CFAP61: variants seen among roughly 807,000 people sequenced by gnomAD.
CFAP61 encodes the protein cilia- and flagella-associated protein 61.
CFAP61 carries 107 observed loss-of-function variants against 135.6 expected under a neutral mutation model. The observed-to-expected ratio is 0.79, with a 90% CI of 0.67 to 0.93. The LOEUF is 0.93. Among genes scored for constraint, CFAP61 ranks in the 40% least tolerant of loss-of-function variants. CFAP61 has a pLI of 0.00. For synonymous variants in CFAP61, 575 were observed against 578.5 expected (o/e 0.99, Z 0.09); for missense variants, 1,507 against 1,556.2 (o/e 0.97, Z 0.53).
At position 20,075,186 on chromosome 20, in the gene CFAP61, C is replaced by T; in HGVS notation, c.372-3C>T. Reference sequence around the variant, plus strand: ...ACTGCCCCACCCTCTCTTTCCTCACCAGAACCGTGTATAAGGCAGTGCCAG... The same window carrying T: ...ACTGCCCCACCCTCTCTTTCCTCACTAGAACCGTGTATAAGGCAGTGCCAG... On this transcript the variant is annotated splice_region_variant and splice_polypyrimidine_tract_variant and intron_variant, in intron 4 of 26. Transcript: ENST00000245957. The T allele has an allele frequency of 6.2e-7, 1 of 1,614,018 alleles. No individual in the cohort carries two copies. Among genetic ancestry groups the T allele is most frequent in the Non-Finnish European group, 8.5e-7 (1 of 1,179,912 alleles).
chr20:20,354,867 AG>A, intron 26 of CFAP61, among the ~76,000 whole-genome samples: 1 of 115,954 alleles, frequency 8.6e-6, no homozygotes, highest in East Asian at 3.0e-4. Flanking sequence ...GGTCACACTG[AG>A]AGGGGAGGTG....
chr20:20,203,543 T>A (rs1675265736), intron 17 of CFAP61, among the ~76,000 whole-genome samples: 1 of 152,236 alleles, frequency 6.6e-6, no homozygotes, highest in Non-Finnish European at 1.5e-5. Context: ...GATATTTTGA[T>A]ACAGGCATGC....
intron 17 of CFAP61, 62 bp downstream of exon 17, chr20:20,199,964 G>A: frequency 1.3e-6 from 2 of 1,577,222 alleles, no homozygotes; most frequent in South Asian, 1.1e-5. Flanking sequence ...TGGCAGATGG[G>A]GTGGCAGTGC....
intron 22 of CFAP61, among the ~76,000 whole-genome samples, chr20:20,284,010 G>C (rs2054388625): frequency 6.6e-6 from 1 of 152,144 alleles, no homozygotes; most frequent in African/African-American, 2.4e-5. Context: ...GGAAGAGGTG[G>C]AATCTTGGGA....
intron 21 of CFAP61, among the ~76,000 whole-genome samples, chr20:20,272,323 C>A (rs1347572823): frequency 6.6e-6 from 1 of 152,104 alleles, no homozygotes; most frequent in Non-Finnish European, 1.5e-5. Context: ...GCCTGTAGTT[C>A]CAGCTACTCA....
intron 18 of CFAP61, among the ~76,000 whole-genome samples, chr20:20,235,333 G>A (rs947250400): frequency 7.9e-5 from 12 of 151,948 alleles, no homozygotes; most frequent in Admixed American, 2.6e-4. Context: ...TCAAAGTGCC[G>A]TCCCTGGCCC....
chr20:20,057,677 CCA>C (rs2044474172), intron 2 of CFAP61, among the ~76,000 whole-genome samples: 1 of 152,012 alleles, frequency 6.6e-6, no homozygotes. Flanking sequence ...TCTGTGGGTG[CCA>C]AAATATAAAT....
intron 24 of CFAP61, among the ~76,000 whole-genome samples, chr20:20,296,485 C>A (rs957329801): frequency 1.5e-4 from 22 of 146,252 alleles, no homozygotes; most frequent in African/African-American, 5.6e-4. Context: ...TTTTTCCTCC[C>A]TCCCTCCTTC....
At chr20:20,145,720 T>A (rs866739573) in intron 9 of CFAP61, among the ~76,000 whole-genome samples, 5 of 152,204 alleles carry the variant, frequency 3.3e-5, no homozygotes, top group Admixed American at 6.5e-5. Context: ...AAAAGTTAGC[T>A]GGAATGGCTT....
chr20:20,097,893 C>T (rs560421323), intron 7 of CFAP61, among the ~76,000 whole-genome samples: 2 of 152,252 alleles, frequency 1.3e-5, no homozygotes, highest in East Asian at 1.9e-4. Flanking sequence ...AGCTAGGGAC[C>T]GTGAACTTTC....
intron 21 of CFAP61, chr20:20,265,499 G>T: frequency 1.3e-6 from 1 of 779,632 alleles, no homozygotes; most frequent in Non-Finnish European, 2.4e-6. Flanking sequence ...AAAGGGAAAT[G>T]TTTTTTCAAG....
At position 20,060,294 on chromosome 20, in the gene CFAP61, A is replaced by G. The variant is rs576941812; in HGVS notation, c.143+3498A>G. Among the ~76,000 whole-genome samples the G allele has an allele frequency of 4.6e-5, 7 of 152,326 alleles. No homozygotes were observed. In the South Asian group the frequency reaches 1.4e-3, roughly 32 times the overall value. On this transcript the variant is annotated intron_variant, in intron 2 of 26. Coordinates refer to ENST00000245957, the MANE Select transcript of CFAP61 (RefSeq NM_015585.4). ...TTTCTGACAAACAAAAACCTAAGTC[A>G]TTTGCCAATAAACTCTGAATGGAGG...
chr20:20,084,774 A>G (rs2046678562), intron 6 of CFAP61, among the ~76,000 whole-genome samples: 1 of 152,186 alleles, frequency 6.6e-6, no homozygotes, highest in South Asian at 2.1e-4. Context: ...AGTGAGAGCT[A>G]CCGGCTCATT....
intron 25 of CFAP61, among the ~76,000 whole-genome samples, chr20:20,306,441 CA>C (rs774891207): frequency 6.6e-6 from 1 of 152,172 alleles, no homozygotes; most frequent in Non-Finnish European, 1.5e-5. Flanking sequence ...ATTCTGATTT[CA>C]AGTGCCTCAG....
chr20:20,271,429 G>GTC (rs1314803333), intron 21 of CFAP61, among the ~76,000 whole-genome samples: 2 of 152,116 alleles, frequency 1.3e-5, no homozygotes, highest in Non-Finnish European at 2.9e-5. Context: ...ATCACTTTCC[G>GTC]TCTCTCTCTC....
Position 20,167,276 on chromosome 20 carries a change from A to G in CFAP61, c.1245+840A>G, listed in dbSNP as rs554863018. ...GTTAGGTTTTATTTCCTCATTTGTT[A>G]TTATAATGAAGCTTTATAATAAGGC... On this transcript the variant is annotated intron_variant, in intron 12 of 26. Transcript: ENST00000245957. Among the ~76,000 whole-genome samples the G allele has an allele frequency of 1.4e-4, 21 of 152,244 alleles. No individual in the cohort carries two copies. The East Asian group carries it at 4.1e-3, about 29-fold the overall frequency.
chr20:20,246,225 G>A lies in CFAP61; in HGVS notation c.2159+10G>A, dbSNP rs779316149. On this transcript the variant is annotated intron_variant, in intron 19 of 26. Transcript: ENST00000245957. The stretch of plus-strand genomic sequence containing the variant: ...AATTTTTAGCCAGCGAGTATGAATT[G>A]TATTTGCTTTTTCATTCTGAGGCCT... 3.2e-6 allele frequency: 5 copies of A among 1,572,986 alleles called. No individual in the cohort carries two copies. The highest frequency in any genetic ancestry group is 2.7e-5 in the African/African-American group (2 of 74,016).
intron 19 of CFAP61, among the ~76,000 whole-genome samples, chr20:20,248,455 G>T (rs964615151): frequency 6.6e-6 from 1 of 152,058 alleles, no homozygotes; most frequent in Non-Finnish European, 1.5e-5. Context: ...ATTTATTATT[G>T]TTAGAATTTT....
chr20:20,091,054 G>A lies in CFAP61; in HGVS notation c.699+78G>A, dbSNP rs1213286291. The stretch of plus-strand genomic sequence containing the variant: ...GAGTGGTGTTGCTCTTGCGTTGCTG[G>A]GCACCCCTGGAGCTGCCATTGTCTC... On this transcript the variant is annotated intron_variant, in intron 7 of 26. Transcript: ENST00000245957. 109 of 1,527,850 alleles carry A rather than the reference G, an allele frequency of 7.1e-5. 1 individual carries two copies. Among genetic ancestry groups the A allele is most frequent in the Middle Eastern group, 1.7e-4 (1 of 5,776 alleles). The allele number at this position is 1,527,850 out of a possible 1,614,324, so 94.6% of individuals were successfully genotyped here. A position where few individuals can be genotyped will look rare whatever the true frequency, so the allele number is the denominator to read the frequency against.
Sources: allele counts gnomAD v4.1 joint callset (sites outside exome capture counted in the v4.1 genomes callset), GRCh38; gene constraint gnomAD v4.1.1; transcripts MANE v1.5; gene names NCBI Gene and HGNC (gene_info 2026-07-23, HGNC 2026-07-21).